Variants in TMCC1 observed in about 807,000 individuals in gnomAD.
The protein encoded by TMCC1 is transmembrane and coiled-coil domains protein 1.
In TMCC1, 15 loss-of-function variants were observed where a neutral mutation model predicts 52.4. The observed-to-expected ratio is 0.29, with a 90% CI of 0.19 to 0.44. The LOEUF is 0.44. Ranked by LOEUF, TMCC1 falls within the 20% of genes least tolerant of loss-of-function variation. The pLI is 1.00. For missense variants in TMCC1, 503 were observed against 806.0 expected (o/e 0.62, Z 4.55); for synonymous variants, 279 against 301.9 (o/e 0.92, Z 0.79).
chr3:129,710,744 A>G (rs2108995453), intron 4 of TMCC1, among the ~76,000 whole-genome samples: 1 of 152,354 alleles, frequency 6.6e-6, no homozygotes, highest in South Asian at 2.1e-4. Context: ...GCAACTACAG[A>G]AAGAAGATAT....
At chr3:129,874,066 G>A (rs1324132693) in intron 2 of TMCC1, among the ~76,000 whole-genome samples, 3 of 152,106 alleles carry the variant, frequency 2.0e-5, no homozygotes, top group African/African-American at 7.2e-5. Flanking sequence ...TCTGGAAGGA[G>A]ACACAAAAAG....
chr3:129,661,894 T>C (rs1465418048), intron 5 of TMCC1, among the ~76,000 whole-genome samples: 1 of 152,198 alleles, frequency 6.6e-6, no homozygotes, highest in Non-Finnish European at 1.5e-5. Context: ...GACTTCCCAC[T>C]ATCCCCATTA....
At chr3:129,758,222 G>T (rs2053187417) in intron 4 of TMCC1, among the ~76,000 whole-genome samples, 2 of 152,206 alleles carry the variant, frequency 1.3e-5, no homozygotes, top group Non-Finnish European at 2.9e-5. Flanking sequence ...TGGTGGATCA[G>T]ATGTCTTACT....
At chr3:129,873,421 C>G (rs966367345) in intron 2 of TMCC1, among the ~76,000 whole-genome samples, 5 of 150,770 alleles carry the variant, frequency 3.3e-5, no homozygotes, top group Admixed American at 3.3e-4. Context: ...GTGACTCACA[C>G]TCATAATCCC....
chr3:129,816,225 T>C (rs1361180699), intron 4 of TMCC1, among the ~76,000 whole-genome samples: 1 of 152,196 alleles, frequency 6.6e-6, no homozygotes, highest in Non-Finnish European at 1.5e-5. Context: ...GGAATTCTAC[T>C]ACTGGGTATA....
intron 4 of TMCC1, among the ~76,000 whole-genome samples, chr3:129,702,959 T>C (rs2047951067): frequency 1.3e-5 from 2 of 152,184 alleles, no homozygotes; most frequent in Admixed American, 6.5e-5. Context: ...GAGGTTGCAG[T>C]GGGCCGAGAT....
intron 4 of TMCC1, among the ~76,000 whole-genome samples, chr3:129,708,286 C>T (rs2048393538): frequency 6.6e-6 from 1 of 152,074 alleles, no homozygotes; most frequent in African/African-American, 2.4e-5. Context: ...AATATTAATG[C>T]TTCCTTCCTT....
chr3:129,799,102 G>T (rs1453501643), intron 4 of TMCC1, among the ~76,000 whole-genome samples: 2 of 152,174 alleles, frequency 1.3e-5, no homozygotes, highest in African/African-American at 4.8e-5. Context: ...TCAAAAATTT[G>T]AGTACCATAT....
chr3:129,869,623 G>C (rs931904842), intron 2 of TMCC1, among the ~76,000 whole-genome samples: 1 of 152,168 alleles, frequency 6.6e-6, no homozygotes, highest in Non-Finnish European at 1.5e-5. Flanking sequence ...TCATAGAACT[G>C]AAGGTGAATT....
chr3:129,820,639 T>C (rs1392363649), intron 4 of TMCC1, among the ~76,000 whole-genome samples: 1 of 152,124 alleles, frequency 6.6e-6, no homozygotes, highest in Non-Finnish European at 1.5e-5. Context: ...TGAAAACGAC[T>C]GTAGAAATCT....
chr3:129,704,061 T>C (rs913575909), intron 4 of TMCC1, among the ~76,000 whole-genome samples: 5 of 152,096 alleles, frequency 3.3e-5, no homozygotes, highest in Non-Finnish European at 7.4e-5. Flanking sequence ...GAGAAACCAG[T>C]AAGATTTGTT....
chr3:129,860,423 TG>T (rs1173568530), intron 2 of TMCC1, among the ~76,000 whole-genome samples: 1 of 151,658 alleles, frequency 6.6e-6, no homozygotes, highest in South Asian at 2.1e-4. Flanking sequence ...GGAGATGCGG[TG>T]GGGGGAAACG....
At chr3:129,829,283 A>G (rs2058796262) in intron 3 of TMCC1, among the ~76,000 whole-genome samples, 2 of 152,156 alleles carry the variant, frequency 1.3e-5, no homozygotes, top group African/African-American at 4.8e-5. Flanking sequence ...GAAGCTTCCC[A>G]TATATCCATA....
chr3:129,706,089 C>A (rs1258434505), intron 4 of TMCC1, among the ~76,000 whole-genome samples: 2 of 151,420 alleles, frequency 1.3e-5, no homozygotes, highest in African/African-American at 4.9e-5. Context: ...CGGGGTTTCA[C>A]CATGTTGGCC....
intron 5 of TMCC1, chr3:129,656,807 G>A (rs970621503): frequency 1.3e-5 from 2 of 152,080 alleles, no homozygotes; most frequent in Non-Finnish European, 2.9e-5. Context: ...GGATAACTAG[G>A]GTCAAAGTTC....
chr3:129,871,825 A>C (rs1279213172), intron 2 of TMCC1, among the ~76,000 whole-genome samples: 1 of 152,260 alleles, frequency 6.6e-6, no homozygotes, highest in African/African-American at 2.4e-5. Flanking sequence ...AGCTCACAAA[A>C]AAAGATACAT....
chr3:129,892,342 C>T (rs1159582859), intron 1 of TMCC1, among the ~76,000 whole-genome samples: 1 of 152,130 alleles, frequency 6.6e-6, no homozygotes, highest in African/African-American at 2.4e-5. Context: ...TGGTAGAGGA[C>T]AGGGTTATTA....
At chr3:129,871,790 GAATC>G (rs906541954) in intron 2 of TMCC1, among the ~76,000 whole-genome samples, 1 of 152,122 alleles carries the variant, frequency 6.6e-6, no homozygotes, top group African/African-American at 2.4e-5. Context: ...AATGAAAAAA[GAATC>G]AAAGTCTAAC....
At chr3:129,737,786 C>T in intron 4 of TMCC1, among the ~76,000 whole-genome samples, 1 of 152,198 alleles carries the variant, frequency 6.6e-6, no homozygotes, top group Non-Finnish European at 1.5e-5. Flanking sequence ...GCCATTCTCA[C>T]ACCTACTAAA....
Sources: gnomAD v4.1 joint callset for allele counts (sites outside exome capture counted in the v4.1 genomes callset) on GRCh38, gnomAD v4.1.1 for gene constraint, MANE v1.5 for transcripts, NCBI Gene and HGNC (gene_info 2026-07-23, HGNC 2026-07-21) for gene names.